The following CCDC88C variants were observed in gnomAD, a reference collection of about 807,000 sequenced individuals.
CCDC88C encodes protein Daple.
CCDC88C carries 131 observed loss-of-function variants against 198.8 expected under a neutral mutation model. The ratio of observed to expected loss-of-function variants is 0.66; its 90% CI spans 0.57 to 0.76. The LOEUF (loss-of-function observed/expected upper bound fraction) is 0.76, where lower values mean the gene tolerates loss of function less well. CCDC88C is among the 30% of genes least tolerant of loss of function. The pLI, the probability that CCDC88C is intolerant of heterozygous loss-of-function variation, is 0.00. For synonymous variants in CCDC88C, 1,166 were observed against 1,114.7 expected (o/e 1.05, Z -0.92); for missense variants, 2,553 against 2,631.6 (o/e 0.97, Z 0.65).
At chr14:91,278,889 CT>C (rs10671669) in intron 28 of CCDC88C, among the ~76,000 whole-genome samples, 40 of 54,496 alleles carry the variant, frequency 7.3e-4, no homozygotes, top group East Asian at 5.3e-3. Context: ...ACCAAATACA[CT>C]TTTTTTTTTT....
chr14:91,280,365 C>T (rs930012211), intron 27 of CCDC88C, among the ~76,000 whole-genome samples: 4 of 152,250 alleles, frequency 2.6e-5, no homozygotes, highest in African/African-American at 9.6e-5. Flanking sequence ...GTCCAGAAAA[C>T]ACCTGCTAGC....
At chr14:91,283,628 AAAAGCGGGGCTGCC>A in intron 25 of CCDC88C, 111 bp from the exon 26 acceptor site, 1 of 1,047,726 alleles carries the variant, frequency 9.5e-7, no homozygotes, top group African/African-American at 1.6e-5. Context: ...CCACAGAGAC[AAAAGCGGGGCTGCC>A]ACAGCTCTCG....
chr14:91,384,565 A>C, intron 3 of CCDC88C: 1 of 473,548 alleles, frequency 2.1e-6, no homozygotes, highest in Non-Finnish European at 4.3e-6. Flanking sequence ...AAAAATAATA[A>C]ACCAAAAATT....
intron 3 of CCDC88C, chr14:91,378,979 C>T (rs774409428): frequency 5.3e-5 from 8 of 152,278 alleles, no homozygotes; most frequent in Middle Eastern, 3.4e-3. Flanking sequence ...GAAGTTACTC[C>T]GGGATACCCT....
intron 10 of CCDC88C, among the ~76,000 whole-genome samples, chr14:91,335,135 T>C (rs745920280): frequency 6.6e-6 from 1 of 152,196 alleles, no homozygotes; most frequent in Middle Eastern, 3.4e-3. Context: ...AACATGCCCA[T>C]GAAGACACAA....
chr14:91,416,692 T>G, intron 2 of CCDC88C, 46 bp downstream of exon 2: 1 of 1,415,546 alleles, frequency 7.1e-7, no homozygotes, highest in Non-Finnish European at 9.9e-7. Flanking sequence ...CTCTCAAACT[T>G]TCTAACGCAC....
chr14:91,322,674 T>C (rs997264335), intron 12 of CCDC88C, among the ~76,000 whole-genome samples: 2 of 152,216 alleles, frequency 1.3e-5, no homozygotes, highest in East Asian at 1.9e-4. Flanking sequence ...AAAAGTACCA[T>C]TTTAGCCATT....
At chr14:91,333,687 G>T (rs1181260668) in intron 10 of CCDC88C, among the ~76,000 whole-genome samples, 1 of 152,152 alleles carries the variant, frequency 6.6e-6, no homozygotes, top group Non-Finnish European at 1.5e-5. Context: ...TTTTTTTAAG[G>T]GGGGCAAGAT....
intron 3 of CCDC88C, among the ~76,000 whole-genome samples, chr14:91,406,417 G>A (rs1004335497): frequency 1.3e-5 from 2 of 152,180 alleles, no homozygotes; most frequent in African/African-American, 4.8e-5. Flanking sequence ...GGGAGGACAG[G>A]GATGCAGACA....
chr14:91,335,295 G>C (rs978579880), intron 10 of CCDC88C, among the ~76,000 whole-genome samples: 1 of 152,142 alleles, frequency 6.6e-6, no homozygotes, highest in African/African-American at 2.4e-5. Context: ...TCGTGAAAAT[G>C]CTTGATGGGC....
intron 10 of CCDC88C, among the ~76,000 whole-genome samples, chr14:91,332,540 C>G (rs899787932): frequency 6.6e-6 from 1 of 152,240 alleles, no homozygotes; most frequent in Non-Finnish European, 1.5e-5. Flanking sequence ...TGTCCTCCCA[C>G]ATGGCAGGAT....
rs1890507517 is a variant in CCDC88C at position 91,288,328 on chromosome 14, C to T, written c.4441+777G>A. On this transcript the variant is annotated intron_variant, in intron 25 of 29. Transcript: ENST00000389857. The surrounding 1 kb of genome is among the most constrained non-coding windows in gnomAD (Gnocchi z 4.2). ...GGAAAAGGCACAGTGTGTCCTGTGG[C>T]TGGTGGGACACAAGGCCAGATCAGG... is the stretch of plus-strand genomic sequence containing the variant. Among the ~76,000 whole-genome samples, 1 of 152,196 alleles carries T rather than the reference C, an allele frequency of 6.6e-6. No individual in the cohort carries two copies. The highest frequency in any genetic ancestry group is 2.4e-5 in the African/African-American group (1 of 41,448).
chr14:91,345,190 A>ATATATATCTTTTTTTT (rs1246878587), intron 4 of CCDC88C, among the ~76,000 whole-genome samples: 1 of 52,204 alleles, frequency 1.9e-5, no homozygotes, highest in Non-Finnish European at 3.4e-5. Context: ...ATATATATAT[A>ATATATATCTTTTTTTT]TTTTTTTTTT....
chr14:91,398,744 G>C (rs1458695719), intron 3 of CCDC88C, among the ~76,000 whole-genome samples: 1 of 152,220 alleles, frequency 6.6e-6, no homozygotes, highest in East Asian at 1.9e-4. Context: ...CACAGGCTGG[G>C]AGTGCAGGCC....
chr14:91,315,279 G>T (rs1187516307), intron 14 of CCDC88C, among the ~76,000 whole-genome samples: 1 of 152,124 alleles, frequency 6.6e-6, no homozygotes, highest in Admixed American at 6.5e-5. Flanking sequence ...ACACGGATTT[G>T]CCAGGGTTCT....
In CCDC88C at chr14:91,299,921, G is replaced by A. The variant is rs772002945; in HGVS notation, c.3779+6C>T. On this transcript the variant is annotated splice_donor_region_variant and intron_variant, in intron 21 of 29. Transcript: ENST00000389857. ...GCTATGTGCAGGGCCGGGCGCCGGC[G>A]CTCACCTGTCCAGCTCGCCCCGCAG... The A allele has an allele frequency of 5.1e-5, 80 of 1,580,976 alleles. No individual in the cohort carries two copies. In the East Asian group the frequency reaches 5.4e-4, roughly 11 times the overall value.
intron 12 of CCDC88C, among the ~76,000 whole-genome samples, chr14:91,322,279 G>A (rs1485350817): frequency 6.6e-5 from 10 of 152,134 alleles, no homozygotes; most frequent in Admixed American, 6.5e-4. Context: ...AAATGTGTGT[G>A]GTTCAGATTC....
intron 3 of CCDC88C, among the ~76,000 whole-genome samples, chr14:91,393,591 G>A (rs1387026743): frequency 1.3e-5 from 2 of 152,160 alleles, no homozygotes; most frequent in Admixed American, 1.3e-4. Flanking sequence ...TCCTTCTTCT[G>A]GCATCTAAGC....
intron 25 of CCDC88C, among the ~76,000 whole-genome samples, chr14:91,285,053 C>T (rs972198948): frequency 6.6e-6 from 1 of 152,188 alleles, no homozygotes; most frequent in Non-Finnish European, 1.5e-5. Context: ...AACCACAGCA[C>T]AGTCATAAAA....
Sources: gnomAD v4.1 joint callset for allele counts (sites outside exome capture counted in the v4.1 genomes callset) on GRCh38, gnomAD v4.1.1 for gene constraint, Gnocchi (gnomAD v3.1) non-coding constraint, MANE v1.5 for transcripts, NCBI Gene and HGNC (gene_info 2026-07-23, HGNC 2026-07-21) for gene names.